The following ACTR3C variants were observed in gnomAD, a reference collection of about 807,000 sequenced individuals.
The protein encoded by ACTR3C is actin-related protein 3C.
A neutral mutation model predicts 26.3 loss-of-function variants in ACTR3C; 18 were observed. The ratio of observed to expected loss-of-function variants is 0.68; its 90% CI spans 0.47 to 1.01. The LOEUF (loss-of-function observed/expected upper bound fraction) is 1.01, where lower values mean the gene tolerates loss of function less well. Among genes scored for constraint, ACTR3C ranks in the 50% least tolerant of loss-of-function variants. The probability of loss-of-function intolerance (pLI) is 0.00; values close to 1 mark genes in which losing one functional copy is unlikely to be tolerated. For missense variants in ACTR3C, 184 were observed against 250.7 expected (o/e 0.73, Z 1.80); for synonymous variants, 55 against 94.5 (o/e 0.58, Z 2.42).
At chr7:149,917,355 T>C in the ACTR3C span, among the ~76,000 whole-genome samples, 1 of 152,124 alleles carries the variant, frequency 6.6e-6, no homozygotes, top group Non-Finnish European at 1.5e-5. Flanking sequence ...GATTACAGGC[T>C]GAGCTATCAC....
chr7:150,286,222 C>T, intron 5 of ACTR3C, 145 bp downstream of exon 5: 1 of 1,142,796 alleles, frequency 8.8e-7, no homozygotes. Context: ...ATCTGTCAAG[C>T]AGACAAACTG....
chr7:150,184,196 G>T, the ACTR3C span, among the ~76,000 whole-genome samples: 1 of 150,606 alleles, frequency 6.6e-6, no homozygotes, highest in South Asian at 2.1e-4. Context: ...TAAAGGTCTC[G>T]TCAGTTTCCC....
chr7:149,890,237 C>T, the ACTR3C span, among the ~76,000 whole-genome samples: 4 of 151,800 alleles, frequency 2.6e-5, no homozygotes, highest in African/African-American at 7.3e-5. Context: ...ACGCAGCTTA[C>T]GTCACATGAA....
the ACTR3C span, among the ~76,000 whole-genome samples, chr7:150,033,008 G>A: frequency 2.0e-5 from 3 of 152,118 alleles, no homozygotes; most frequent in African/African-American, 7.2e-5. Context: ...GCAGGGAAGA[G>A]CTCTGGTCAG....
At chr7:150,018,665 A>G in the ACTR3C span, among the ~76,000 whole-genome samples, 1 of 150,264 alleles carries the variant, frequency 6.7e-6, no homozygotes, top group Non-Finnish European at 1.5e-5. Flanking sequence ...TAGCCTCCAA[A>G]TATTCTTAAT....
the ACTR3C span, among the ~76,000 whole-genome samples, chr7:150,056,648 A>G: frequency 6.6e-6 from 1 of 151,612 alleles, no homozygotes; most frequent in African/African-American, 2.4e-5. Flanking sequence ...CAGCAACAAC[A>G]GTGACTCTCA....
At chr7:150,321,480 C>T (rs1585029020) in intron 1 of ACTR3C, among the ~76,000 whole-genome samples, 1 of 152,188 alleles carries the variant, frequency 6.6e-6, no homozygotes, top group Non-Finnish European at 1.5e-5. Flanking sequence ...TGGCACACAC[C>T]TGCAATCCCA....
the ACTR3C span, among the ~76,000 whole-genome samples, chr7:150,190,900 G>A: frequency 5.9e-5 from 9 of 152,232 alleles, no homozygotes; most frequent in Non-Finnish European, 1.3e-4. Flanking sequence ...GCCAAGCAAA[G>A]GGGGAAAAGC....
At chr7:150,168,495 G>A in the ACTR3C span, among the ~76,000 whole-genome samples, 1 of 150,836 alleles carries the variant, frequency 6.6e-6, no homozygotes, top group East Asian at 1.9e-4. Context: ...ATTATGGTGA[G>A]TTGTATAATT....
At chr7:150,041,646 C>G in the ACTR3C span, among the ~76,000 whole-genome samples, 18 of 90,038 alleles carry the variant, frequency 2.0e-4, no homozygotes, top group East Asian at 1.4e-3. Flanking sequence ...CTCCCCCCCC[C>G]TGCGATGAGG....
the ACTR3C span, among the ~76,000 whole-genome samples, chr7:150,236,800 G>A: frequency 6.7e-6 from 1 of 149,484 alleles, no homozygotes; most frequent in East Asian, 1.9e-4. Flanking sequence ...TTATTGGAAT[G>A]CTAGCTCTGC....
the ACTR3C span, among the ~76,000 whole-genome samples, chr7:150,155,341 G>A: frequency 3.3e-5 from 5 of 151,758 alleles, no homozygotes; most frequent in Non-Finnish European, 5.9e-5. Context: ...CAGTCAGCAC[G>A]CTCATTCAAA....
chr7:150,286,623 GC>G (rs200154560), intron 4 of ACTR3C, 83 bp from the exon 5 acceptor site: 2 of 1,567,814 alleles, frequency 1.3e-6, no homozygotes, highest in Non-Finnish European at 8.7e-7. Flanking sequence ...GGAAGCCCAT[GC>G]AGTAAACACA....
chr7:150,069,298 C>T, the ACTR3C span, among the ~76,000 whole-genome samples: 3 of 152,058 alleles, frequency 2.0e-5, no homozygotes, highest in African/African-American at 4.8e-5. Flanking sequence ...TTCACAGGCC[C>T]CTGGGACCCC....
intron 6 of ACTR3C, among the ~76,000 whole-genome samples, chr7:150,250,395 G>A (rs1335156722): frequency 3.3e-5 from 5 of 151,604 alleles, no homozygotes; most frequent in African/African-American, 1.2e-4. Flanking sequence ...ACTAGAGACG[G>A]GGTTTCACCG....
the ACTR3C span, among the ~76,000 whole-genome samples, chr7:150,042,333 G>GCAC: frequency 4.9e-5 from 5 of 101,506 alleles, no homozygotes; most frequent in Admixed American, 8.7e-5. Context: ...CTCAGTCCCT[G>GCAC]CCTCGCGGGG....
At chr7:150,098,373 G>T in the ACTR3C span, among the ~76,000 whole-genome samples, 2 of 151,690 alleles carry the variant, frequency 1.3e-5, no homozygotes, top group Admixed American at 1.3e-4. Context: ...TATATAGGAA[G>T]CTACTTACTA....
chr7:149,928,202 CT>C, the ACTR3C span, among the ~76,000 whole-genome samples: 1,525 of 137,930 alleles, frequency 0.011, 24 homozygotes, highest in African/African-American at 0.037. Context: ...TTTTTCTTTT[CT>C]TTTTTTTTTT....
At chr7:150,199,073 C>T in the ACTR3C span, among the ~76,000 whole-genome samples, 2 of 148,624 alleles carry the variant, frequency 1.3e-5, no homozygotes, top group South Asian at 2.1e-4. Flanking sequence ...TGAGGAGCCC[C>T]TCTGCCCGGC....
Sources: gnomAD v4.1 joint callset for allele counts (sites outside exome capture counted in the v4.1 genomes callset) on GRCh38, gnomAD v4.1.1 for gene constraint, MANE v1.5 for transcripts, NCBI Gene and HGNC (gene_info 2026-07-23, HGNC 2026-07-21) for gene names.